Variants in CNTNAP2 observed in about 807,000 individuals in gnomAD.
CNTNAP2 encodes the protein contactin-associated protein-like 2.
In CNTNAP2, 98 loss-of-function variants were observed where a neutral mutation model predicts 155.2. The ratio of observed to expected loss-of-function variants is 0.63; its 90% CI spans 0.54 to 0.75. The LOEUF is 0.75. Ranked by LOEUF, CNTNAP2 falls within the 30% of genes least tolerant of loss-of-function variation. The pLI, the probability that CNTNAP2 is intolerant of heterozygous loss-of-function variation, is 0.00. For synonymous variants in CNTNAP2, 651 were observed against 631.2 expected, an observed-to-expected ratio of 1.03 and a Z score of -0.47; for missense variants, 1,727 against 1,688.1, an observed-to-expected ratio of 1.02 and a Z score of -0.40.
chr7:147,246,345 C>T (rs1398290898), intron 8 of CNTNAP2, among the ~76,000 whole-genome samples: 1 of 152,058 alleles, frequency 6.6e-6, no homozygotes, highest in Non-Finnish European at 1.5e-5. Context: ...CCTCCCTCTA[C>T]CCTCACCTCA....
At chr7:148,020,899 G>T (rs1373636199) in intron 15 of CNTNAP2, among the ~76,000 whole-genome samples, 1 of 152,214 alleles carries the variant, frequency 6.6e-6, no homozygotes, top group African/African-American at 2.4e-5. Context: ...CAAGAATGTG[G>T]TAAATCTTAA....
chr7:147,253,493 A>C (rs142005437), intron 8 of CNTNAP2, among the ~76,000 whole-genome samples: 2 of 152,164 alleles, frequency 1.3e-5, no homozygotes, highest in African/African-American at 4.8e-5. Flanking sequence ...CATTAAAAAG[A>C]AATCACTTTC....
chr7:147,383,004 T>C (rs1201697474), intron 9 of CNTNAP2, among the ~76,000 whole-genome samples: 1 of 152,058 alleles, frequency 6.6e-6, no homozygotes, highest in Non-Finnish European at 1.5e-5. Context: ...AATGAGATTA[T>C]AGCATTCCTG....
intron 20 of CNTNAP2, among the ~76,000 whole-genome samples, chr7:148,247,133 TA>T (rs1796276059): frequency 6.6e-6 from 1 of 152,218 alleles, no homozygotes; most frequent in Non-Finnish European, 1.5e-5. Context: ...TTAGTGGTAA[TA>T]TGTACTTAGA....
intron 1 of CNTNAP2, among the ~76,000 whole-genome samples, chr7:146,152,752 C>T (rs59087265): frequency 1.4e-4 from 22 of 152,170 alleles, no homozygotes; most frequent in African/African-American, 5.1e-4. Flanking sequence ...CTAGATTGAA[C>T]TTTGTGATGA....
chr7:147,406,942 C>T (rs576901457), intron 10 of CNTNAP2, among the ~76,000 whole-genome samples: 5 of 152,228 alleles, frequency 3.3e-5, no homozygotes, highest in South Asian at 2.1e-4. Context: ...TTGCCTTCAA[C>T]GAGTCGCAGC....
chr7:147,990,634 C>T (rs1412818863), intron 15 of CNTNAP2, among the ~76,000 whole-genome samples: 1 of 151,980 alleles, frequency 6.6e-6, no homozygotes, highest in Non-Finnish European at 1.5e-5. Flanking sequence ...GGTTTATGGT[C>T]ATGCTGACCT....
At chr7:147,482,717 T>C (rs1798443486) in intron 10 of CNTNAP2, among the ~76,000 whole-genome samples, 1 of 119,460 alleles carries the variant, frequency 8.4e-6, no homozygotes, top group African/African-American at 3.4e-5. Context: ...CGAGATTCCG[T>C]CTCAATAAAT....
At chr7:146,796,733 AC>A (rs958115191) in intron 2 of CNTNAP2, among the ~76,000 whole-genome samples, 8 of 152,096 alleles carry the variant, frequency 5.3e-5, no homozygotes, top group Non-Finnish European at 7.4e-5. Context: ...CCTTATCTAT[AC>A]CATGGAGGTA....
At chr7:148,243,236 C>T (rs184912281) in intron 20 of CNTNAP2, among the ~76,000 whole-genome samples, 1 of 152,236 alleles carries the variant, frequency 6.6e-6, no homozygotes, top group African/African-American at 2.4e-5. Context: ...GCATTAGGAT[C>T]TAGGTTACCA....
At chr7:146,830,274 G>A (rs1018900752) in intron 2 of CNTNAP2, among the ~76,000 whole-genome samples, 3 of 152,042 alleles carry the variant, frequency 2.0e-5, no homozygotes, top group African/African-American at 7.2e-5. Context: ...TGAGTATGGT[G>A]TGGGGCAGAA....
At chr7:146,405,048 C>G (rs1261592819) in intron 1 of CNTNAP2, among the ~76,000 whole-genome samples, 7 of 152,216 alleles carry the variant, frequency 4.6e-5, no homozygotes, top group Middle Eastern at 6.8e-3. Flanking sequence ...TTTTAGCCAG[C>G]AGAGACTTCC....
chr7:147,233,354 A>G (rs1803727339), intron 8 of CNTNAP2, among the ~76,000 whole-genome samples: 1 of 152,196 alleles, frequency 6.6e-6, no homozygotes, highest in South Asian at 2.1e-4. Context: ...GTTGACTCAC[A>G]GAGTCTGCAA....
chr7:146,587,669 T>TTTTC (rs1160457913), intron 1 of CNTNAP2, among the ~76,000 whole-genome samples: 1 of 151,500 alleles, frequency 6.6e-6, no homozygotes, highest in Non-Finnish European at 1.5e-5. Context: ...TGGTGATTAA[T>TTTTC]TTTCTTTTTC....
intron 8 of CNTNAP2, among the ~76,000 whole-genome samples, chr7:147,291,563 T>A (rs1200877098): frequency 1.3e-5 from 2 of 152,210 alleles, no homozygotes; most frequent in Non-Finnish European, 2.9e-5. Flanking sequence ...ATGTGTTTAT[T>A]TCCAATTTGC....
At chr7:147,115,613 A>G (rs1456671910) in intron 5 of CNTNAP2, among the ~76,000 whole-genome samples, 2 of 152,146 alleles carry the variant, frequency 1.3e-5, no homozygotes, top group South Asian at 4.2e-4. Flanking sequence ...TCTGCCTGCT[A>G]TTAATACTTG....
chr7:146,761,334 G>A (rs184940746), intron 1 of CNTNAP2, among the ~76,000 whole-genome samples: 1,659 of 147,156 alleles, frequency 0.011, 32 homozygotes, highest in African/African-American at 0.041. Context: ...AGGAAGGAAG[G>A]AAAATAGGAA....
Position 146,937,885 on chromosome 7 carries a change from A to T in CNTNAP2, c.402+97981A>T, listed in dbSNP as rs371442380. Among the ~76,000 whole-genome samples, 25 of 152,342 alleles carry T rather than the reference A, an allele frequency of 1.6e-4. 1 individual carries two copies. The East Asian group carries it at 3.9e-3, about 24-fold the overall frequency. The stretch of plus-strand genomic sequence containing the variant: ...TGATGGTAGAAGCTTAGGGTTGTTT[A>T]TAGAGACAAAGTTTAAGGAAGCTAA... On this transcript the variant is annotated intron_variant, in intron 3 of 23. Transcript: ENST00000361727.
At chr7:147,642,664 G>T (rs1280924454) in intron 13 of CNTNAP2, among the ~76,000 whole-genome samples, 1 of 152,042 alleles carries the variant, frequency 6.6e-6, no homozygotes, top group African/African-American at 2.4e-5. Context: ...CCCCTTTCAC[G>T]AGAAAAACTG....
Sources: allele counts gnomAD v4.1 joint callset (sites outside exome capture counted in the v4.1 genomes callset), GRCh38; gene constraint gnomAD v4.1.1; transcripts MANE v1.5; gene names NCBI Gene and HGNC (gene_info 2026-07-23, HGNC 2026-07-21).